AK9: variants seen among roughly 807,000 people sequenced by gnomAD.
AK9 encodes adenylate kinase 9, also known as adenylate kinase domain containing 1.
AK9 carries 191 observed loss-of-function variants against 239.6 expected under a neutral mutation model. The observed-to-expected ratio is 0.80, with a 90% CI of 0.71 to 0.90. AK9 has a LOEUF of 0.90. Among genes scored for constraint, AK9 ranks in the 40% least tolerant of loss-of-function variants. The probability of loss-of-function intolerance (pLI) is 0.00; values close to 1 mark genes in which losing one functional copy is unlikely to be tolerated. For missense variants in AK9, 1,995 were observed against 2,214.7 expected (o/e 0.90, Z 1.99); for synonymous variants, 689 against 721.0 (o/e 0.96, Z 0.71).
chr6:109,497,358 A>ACTCTCTCTCT lies in AK9; in HGVS notation c.5315+106_5315+107insAGAGAGAGAG, dbSNP rs1237299336. On this transcript the variant is annotated intron_variant, in intron 38 of 40. Transcript: ENST00000424296. ...CACACACACACACACACACACACAC[A>ACTCTCTCTCT]CACACTCTCTCTCTCTCTCTCTCTC... 1.7e-4 allele frequency: 101 copies of ACTCTCTCTCT among 583,992 alleles called. 1 individual carries two copies. The highest frequency in any genetic ancestry group is 8.3e-4 in the Admixed American group (27 of 32,572). The allele number at this position is 583,992 out of a possible 1,614,324, so 36.2% of individuals were successfully genotyped here. A position where few individuals can be genotyped will look rare whatever the true frequency, so the allele number is the denominator to read the frequency against.
intron 13 of AK9, among the ~76,000 whole-genome samples, chr6:109,615,928 T>TAA (rs5879033): frequency 2.6e-5 from 4 of 151,680 alleles, no homozygotes; most frequent in East Asian, 1.9e-4. Context: ...CAAACAAAAG[T>TAA]AAAAAAAATG....
intron 17 of AK9, among the ~76,000 whole-genome samples, chr6:109,593,711 A>T (rs941492233): frequency 1.3e-5 from 2 of 152,098 alleles, no homozygotes; most frequent in African/African-American, 4.8e-5. Flanking sequence ...TGGTTCAACA[A>T]ACACAAATCA....
At chr6:109,671,781 C>A in intron 5 of AK9, 138 bp downstream of exon 5, 1 of 662,710 alleles carries the variant, frequency 1.5e-6, no homozygotes, top group Non-Finnish European at 2.6e-6. Context: ...ACCATCTGAG[C>A]TGTTCAACTG....
At chr6:109,542,206 A>C in intron 26 of AK9, 35 bp from the exon 27 acceptor site, 1 of 1,555,720 alleles carries the variant, frequency 6.4e-7, no homozygotes. Context: ...AACAAGTTTT[A>C]AAACTCTATG....
At chr6:109,649,550 G>T (rs1379714746) in intron 8 of AK9, among the ~76,000 whole-genome samples, 1 of 152,028 alleles carries the variant, frequency 6.6e-6, no homozygotes, top group Non-Finnish European at 1.5e-5. Flanking sequence ...CCTCTTCAAG[G>T]AGAACTACAA....
intron 7 of AK9, 90 bp downstream of exon 7, chr6:109,659,138 T>C (rs1800078962): frequency 7.3e-7 from 1 of 1,363,698 alleles, no homozygotes; most frequent in Admixed American, 2.8e-5. Context: ...GTATAGCATC[T>C]ACTATTTCCT....
chr6:109,634,491 CT>C (rs1293017415), intron 10 of AK9, among the ~76,000 whole-genome samples: 3 of 152,198 alleles, frequency 2.0e-5, no homozygotes, highest in African/African-American at 7.2e-5. Flanking sequence ...CCCCCCAACC[CT>C]CAGATGTGGG....
At chr6:109,603,426 T>C (rs994711824) in intron 17 of AK9, among the ~76,000 whole-genome samples, 3 of 152,174 alleles carry the variant, frequency 2.0e-5, no homozygotes, top group Admixed American at 2.0e-4. Context: ...TGATTGTTCC[T>C]CTGGAAGCTT....
chr6:109,578,610 T>C (rs1788427910), intron 20 of AK9, among the ~76,000 whole-genome samples: 2 of 152,184 alleles, frequency 1.3e-5, no homozygotes. Flanking sequence ...CTTGCTTCTC[T>C]AGTTCCTTGA....
chr6:109,493,910 T>G (rs1223062555), intron 40 of AK9, 71 bp downstream of exon 40: 1 of 1,178,394 alleles, frequency 8.5e-7, no homozygotes, highest in African/African-American at 1.5e-5. Flanking sequence ...AGTTTAACAA[T>G]CCTATTCATC....
chr6:109,585,770 C>T (rs1241980122), intron 18 of AK9, 146 bp downstream of exon 18: 4 of 713,876 alleles, frequency 5.6e-6, no homozygotes, highest in Non-Finnish European at 8.7e-6. Context: ...ATGGAAGCCT[C>T]ATTTTGTGTA....
At chr6:109,599,473 T>C (rs1791590191) in intron 17 of AK9, among the ~76,000 whole-genome samples, 3 of 152,260 alleles carry the variant, frequency 2.0e-5, no homozygotes. Flanking sequence ...TTTTGGTTAC[T>C]GTAGCCTTGT....
At chr6:109,589,120 A>G (rs1789893405) in intron 17 of AK9, among the ~76,000 whole-genome samples, 1 of 152,140 alleles carries the variant, frequency 6.6e-6, no homozygotes, top group South Asian at 2.1e-4. Flanking sequence ...GAAGAATGAC[A>G]TTGGTAATTT....
chr6:109,575,360 A>G (rs1787931297), intron 20 of AK9, among the ~76,000 whole-genome samples: 1 of 152,060 alleles, frequency 6.6e-6, no homozygotes, highest in Non-Finnish European at 1.5e-5. Context: ...TGATTTTTTA[A>G]TTATGGCCAT....
intron 1 of AK9, chr6:109,690,399 G>T (rs1774170674): frequency 6.6e-6 from 1 of 152,228 alleles, no homozygotes; most frequent in African/African-American, 2.4e-5. Context: ...CAGGAGGCGG[G>T]GTTCCGTGCA....
At chr6:109,533,639 TA>T (rs900647184) in intron 27 of AK9, among the ~76,000 whole-genome samples, 169 bp from the exon 28 acceptor site, 21 of 151,972 alleles carry the variant, frequency 1.4e-4, no homozygotes, top group East Asian at 5.8e-4. Flanking sequence ...AAAAATACAG[TA>T]AAAAAAAGTA....
chr6:109,661,786 C>T (rs762357703), intron 6 of AK9, among the ~76,000 whole-genome samples: 1 of 152,148 alleles, frequency 6.6e-6, no homozygotes, highest in African/African-American at 2.4e-5. Context: ...AGTATGGATA[C>T]AAAAGCTTAT....
chr6:109,604,774 A>T (rs1482391522), intron 17 of AK9, among the ~76,000 whole-genome samples: 1 of 152,232 alleles, frequency 6.6e-6, no homozygotes, highest in Non-Finnish European at 1.5e-5. Context: ...TCAAATCTAT[A>T]AATTGAGAAA....
chr6:109,527,344 C>T (rs1052258309), intron 29 of AK9, among the ~76,000 whole-genome samples: 6 of 152,200 alleles, frequency 3.9e-5, no homozygotes, highest in African/African-American at 1.4e-4. Context: ...GAAGGGCTTT[C>T]TCCGCCAGGG....
Sources: allele counts gnomAD v4.1 joint callset (sites outside exome capture counted in the v4.1 genomes callset), GRCh38; gene constraint gnomAD v4.1.1; transcripts MANE v1.5; gene names NCBI Gene and HGNC (gene_info 2026-07-23, HGNC 2026-07-21).